The following ATP1B3 variants were observed in gnomAD, a reference collection of about 807,000 sequenced individuals.
ATP1B3 encodes the protein sodium/potassium-transporting ATPase subunit beta-3.
Under a neutral mutation model 30.2 loss-of-function variants are expected in ATP1B3, and 10 were observed. That is an observed-to-expected ratio of 0.33 (90% CI 0.20 to 0.56). The LOEUF is 0.56. ATP1B3 is among the 20% of genes least tolerant of loss of function. The pLI is 0.90. For synonymous variants in ATP1B3, 113 were observed against 117.0 expected, an observed-to-expected ratio of 0.97 and a Z score of 0.22; for missense variants, 238 against 336.7, an observed-to-expected ratio of 0.71 and a Z score of 2.29.
chr3:141,910,388 C>G (rs1235729305), intron 3 of ATP1B3, among the ~76,000 whole-genome samples: 15 of 152,206 alleles, frequency 9.9e-5, no homozygotes, highest in Admixed American at 9.8e-4. Flanking sequence ...TGACTTTTTA[C>G]TTTTCTACAT....
intron 2 of ATP1B3, among the ~76,000 whole-genome samples, chr3:141,904,086 T>G (rs1194121448): frequency 6.6e-6 from 1 of 152,224 alleles, no homozygotes; most frequent in Admixed American, 6.5e-5. Context: ...TGCCTGGCAG[T>G]GGTTACGGCT....
intron 1 of ATP1B3, chr3:141,902,373 T>A: frequency 2.0e-6 from 1 of 499,366 alleles, no homozygotes; most frequent in Non-Finnish European, 3.4e-6. Context: ...CAGCACAATC[T>A]GTTTTGGGGT....
intron 6 of ATP1B3, among the ~76,000 whole-genome samples, chr3:141,922,674 AAAG>A (rs927257390): frequency 2.0e-5 from 3 of 151,910 alleles, no homozygotes; most frequent in Non-Finnish European, 2.9e-5. Context: ...AAATAAATGA[AAAG>A]AAAATCAAGG....
At chr3:141,889,055 T>A (rs1246834621) in intron 1 of ATP1B3, among the ~76,000 whole-genome samples, 2 of 147,820 alleles carry the variant, frequency 1.4e-5, no homozygotes, top group Non-Finnish European at 3.0e-5. Flanking sequence ...CACTTCTTAT[T>A]CTTACATGGT....
chr3:141,916,925 G>A (rs1934474567), intron 5 of ATP1B3, among the ~76,000 whole-genome samples: 1 of 151,764 alleles, frequency 6.6e-6, no homozygotes, highest in African/African-American at 2.4e-5. Context: ...GAGTGCAGTG[G>A]CACGATCTCA....
intron 3 of ATP1B3, among the ~76,000 whole-genome samples, chr3:141,907,718 C>T (rs1934287972): frequency 6.6e-6 from 1 of 151,718 alleles, no homozygotes; most frequent in Non-Finnish European, 1.5e-5. Flanking sequence ...CTTCTATTTC[C>T]TTCTGTTAAG....
At chr3:141,909,640 G>A (rs955464908) in intron 3 of ATP1B3, among the ~76,000 whole-genome samples, 1 of 152,230 alleles carries the variant, frequency 6.6e-6, no homozygotes, top group Non-Finnish European at 1.5e-5. Flanking sequence ...AAGGAAGTGA[G>A]AGGGGCTGAA....
At chr3:141,916,096 A>G in intron 5 of ATP1B3, 76 bp downstream of exon 5, 3 of 1,360,198 alleles carry the variant, frequency 2.2e-6, no homozygotes, top group Middle Eastern at 2.3e-4. Context: ...TGATTTAGTC[A>G]TCTTTTTTTT....
chr3:141,899,353 T>A (rs1193048243), intron 1 of ATP1B3, among the ~76,000 whole-genome samples: 1 of 152,224 alleles, frequency 6.6e-6, no homozygotes, highest in African/African-American at 2.4e-5. Flanking sequence ...ATAAACAGAA[T>A]GCTAGTTTAT....
intron 1 of ATP1B3, chr3:141,903,138 C>T (rs1934195966): frequency 6.5e-6 from 1 of 154,734 alleles, no homozygotes; most frequent in Admixed American, 6.3e-5. Context: ...AGGTGGGAGC[C>T]ATTAACTCAC....
intron 1 of ATP1B3, among the ~76,000 whole-genome samples, chr3:141,888,739 T>C (rs959186343): frequency 6.6e-6 from 1 of 152,078 alleles, no homozygotes; most frequent in African/African-American, 2.4e-5. Flanking sequence ...TGTGCTCTTC[T>C]TGAGATAGTG....
intron 5 of ATP1B3, among the ~76,000 whole-genome samples, 168 bp downstream of exon 5, chr3:141,916,188 A>C (rs1347233887): frequency 6.6e-6 from 1 of 152,188 alleles, no homozygotes; most frequent in East Asian, 1.9e-4. Context: ...CCTTAATGAT[A>C]ATTCAGAAAG....
chr3:141,899,022 A>G (rs1934116583), intron 1 of ATP1B3, among the ~76,000 whole-genome samples: 2 of 152,240 alleles, frequency 1.3e-5, no homozygotes, highest in Admixed American at 6.5e-5. Context: ...GGAAATGTCT[A>G]GAAAATAGAT....
At chr3:141,921,216 T>G (rs557982789) in intron 5 of ATP1B3, among the ~76,000 whole-genome samples, 138 of 152,318 alleles carry the variant, frequency 9.1e-4, no homozygotes, top group African/African-American at 3.2e-3. Flanking sequence ...ATTAGGCCCA[T>G]TTAGAAAGTG....
chr3:141,925,063 GAGCTGTC>G (rs1464183581), intron 6 of ATP1B3, among the ~76,000 whole-genome samples: 2 of 152,218 alleles, frequency 1.3e-5, no homozygotes, highest in African/African-American at 4.8e-5. Context: ...TCAGGGGCAT[GAGCTGTC>G]ACACCCAGTC....
At chr3:141,899,004 C>T (rs920274271) in intron 1 of ATP1B3, among the ~76,000 whole-genome samples, 2 of 152,168 alleles carry the variant, frequency 1.3e-5, no homozygotes, top group African/African-American at 4.8e-5. Flanking sequence ...TACATGATTC[C>T]ATTTCTAGGA....
chr3:141,896,797 T>C (rs1215914675), intron 1 of ATP1B3, among the ~76,000 whole-genome samples: 1 of 152,228 alleles, frequency 6.6e-6, no homozygotes, highest in African/African-American at 2.4e-5. Flanking sequence ...TTTTCTTTGT[T>C]CTATTTGCTG....
intron 1 of ATP1B3, among the ~76,000 whole-genome samples, chr3:141,889,750 A>AAATATATAT (rs1553743802): frequency 5.1e-5 from 4 of 79,090 alleles, no homozygotes; most frequent in Admixed American, 1.6e-4. Flanking sequence ...AAAAAAAAAA[A>AAATATATAT]ATATATACAC....
chr3:141,916,366 T>C (rs1934463754), intron 5 of ATP1B3: 1 of 470,172 alleles, frequency 2.1e-6, no homozygotes, highest in Admixed American at 2.3e-5. Flanking sequence ...ATTTTTCTCT[T>C]TCTTAATAGT....
Sources: gnomAD v4.1 joint callset for allele counts (sites outside exome capture counted in the v4.1 genomes callset) on GRCh38, gnomAD v4.1.1 for gene constraint, MANE v1.5 for transcripts, NCBI Gene and HGNC (gene_info 2026-07-23, HGNC 2026-07-21) for gene names.